Variants in CCDC178 observed in about 807,000 individuals in gnomAD.
The protein encoded by CCDC178 is coiled-coil domain-containing protein 178.
Under a neutral mutation model 117.4 loss-of-function variants are expected in CCDC178, and 126 were observed. The observed-to-expected ratio is 1.07, with a 90% confidence interval of 0.93 to 1.24. The LOEUF (loss-of-function observed/expected upper bound fraction) is 1.24. Among genes scored for constraint, CCDC178 ranks in the 50% most tolerant of loss-of-function variants. CCDC178 has a pLI of 0.00. For synonymous variants in CCDC178, 283 were observed against 313.4 expected (o/e 0.90, Z 1.02); for missense variants, 1,030 against 986.9 (o/e 1.04, Z -0.59).
intron 22 of CCDC178, among the ~76,000 whole-genome samples, chr18:32,942,545 C>A (rs2054264040): frequency 6.6e-6 from 1 of 152,058 alleles, no homozygotes; most frequent in African/African-American, 2.4e-5. Flanking sequence ...TTATGAGAAA[C>A]TAGTCATGCT....
chr18:33,289,626 A>T (rs1229913504), intron 12 of CCDC178, among the ~76,000 whole-genome samples: 3 of 152,146 alleles, frequency 2.0e-5, no homozygotes, highest in Non-Finnish European at 4.4e-5. Context: ...AGAAATAAAA[A>T]AAAACAAACA....
intron 20 of CCDC178, among the ~76,000 whole-genome samples, chr18:33,105,968 C>A (rs893809816): frequency 6.6e-6 from 1 of 151,550 alleles, no homozygotes; most frequent in Non-Finnish European, 1.5e-5. Context: ...GAAATGAATA[C>A]TTTAAGAAAA....
At chr18:33,187,079 G>A (rs907054592) in intron 20 of CCDC178, among the ~76,000 whole-genome samples, 16 of 137,434 alleles carry the variant, frequency 1.2e-4, no homozygotes, top group Admixed American at 3.0e-4. Flanking sequence ...CATCTTACAT[G>A]GCGGCAGGAG....
intron 2 of CCDC178, among the ~76,000 whole-genome samples, chr18:33,435,771 T>G (rs2064281208): frequency 7.0e-6 from 1 of 142,650 alleles, no homozygotes; most frequent in South Asian, 2.3e-4. Context: ...AAATGCTATT[T>G]AAGAGACAGA....
rs1568191569 is a variant in CCDC178, at chr18:32,974,660, T to A, written c.2410A>T (p.Met804Leu). ...KKQLCQLQRR[M>L]HTLWQEHFKL... ...AAGTGCTCCTGCCACAGTGTGTGCA[T>A]CCTTCTCTGCAGCTGACAGAGCTAA... Residue 804 changes from methionine (M) to leucine (L), a missense_variant, in exon 22 of 23, where the codon ATG (methionine) becomes TTG (leucine). Coordinates refer to ENST00000383096, the MANE Select transcript of CCDC178 (RefSeq NM_001105528.4). 1 of 1,613,266 alleles carries A rather than the reference T, an allele frequency of 6.2e-7. No individual in the cohort carries two copies.
intron 21 of CCDC178, among the ~76,000 whole-genome samples, chr18:33,058,637 T>A (rs1017190843): frequency 2.0e-5 from 3 of 152,190 alleles, no homozygotes; most frequent in African/African-American, 4.8e-5. Flanking sequence ...CTAAAAGATG[T>A]TCCAAGTATT....
chr18:33,348,390 T>C (rs1008708804), intron 8 of CCDC178, among the ~76,000 whole-genome samples: 14 of 151,892 alleles, frequency 9.2e-5, no homozygotes, highest in Non-Finnish European at 2.1e-4. Flanking sequence ...GATAAGAATA[T>C]TTATCACAAC....
chr18:33,229,349 C>A (rs552806481), intron 15 of CCDC178, among the ~76,000 whole-genome samples: 5 of 152,222 alleles, frequency 3.3e-5, no homozygotes, highest in Admixed American at 1.3e-4. Flanking sequence ...TGAGATGATT[C>A]CTGAAGGAGA....
At chr18:33,307,956 C>A (rs1480476104) in intron 11 of CCDC178, among the ~76,000 whole-genome samples, 2 of 152,210 alleles carry the variant, frequency 1.3e-5, no homozygotes, top group African/African-American at 4.8e-5. Context: ...AAGTTTGCTG[C>A]AGGGGCAGAG....
chr18:33,068,511 C>T (rs1400909105), intron 21 of CCDC178, among the ~76,000 whole-genome samples: 1 of 151,620 alleles, frequency 6.6e-6, no homozygotes, highest in Non-Finnish European at 1.5e-5. Flanking sequence ...AAGGATGGTT[C>T]AACATTTAAA....
intron 4 of CCDC178, among the ~76,000 whole-genome samples, chr18:33,396,859 C>T (rs890889184): frequency 1.3e-5 from 2 of 152,048 alleles, no homozygotes; most frequent in Non-Finnish European, 2.9e-5. Context: ...GACACAGATG[C>T]TTCCTCATAA....
chr18:33,037,343 T>C (rs1361359620), intron 21 of CCDC178, among the ~76,000 whole-genome samples: 1 of 151,980 alleles, frequency 6.6e-6, no homozygotes, highest in East Asian at 1.9e-4. Flanking sequence ...CTATATTTCT[T>C]ATCAATTTTT....
At chr18:33,022,902 A>G (rs1451922184) in intron 21 of CCDC178, among the ~76,000 whole-genome samples, 2 of 152,146 alleles carry the variant, frequency 1.3e-5, no homozygotes, top group African/African-American at 4.8e-5. Context: ...AAAGTGATAT[A>G]AAGACATTAA....
At chr18:33,150,825 C>T (rs1295411223) in intron 20 of CCDC178, among the ~76,000 whole-genome samples, 4 of 152,144 alleles carry the variant, frequency 2.6e-5, no homozygotes, top group South Asian at 2.1e-4. Flanking sequence ...CATATGCACA[C>T]GGATGGTTTA....
Position 33,333,546 on chromosome 18 carries a change from G to A in CCDC178, c.659-152C>T, listed in dbSNP as rs375299483. On this transcript the variant is annotated intron_variant, in intron 9 of 22. Coordinates refer to ENST00000383096, the MANE Select transcript of CCDC178 (RefSeq NM_001105528.4). ...TTTTTTTTTTCCGAGATGGAGTTTC[G>A]CTCTTGTTGCCCAGGTTGGAGTGCA... The A allele has an allele frequency of 1.1e-4, 50 of 468,054 alleles. 1 individual carries two copies. Among genetic ancestry groups the A allele is most frequent in the Admixed American group, 2.7e-4 (5 of 18,602 alleles). 29.0% of individuals were successfully genotyped at this position (468,054 alleles called of 1,614,324 possible).
At chr18:33,336,147 T>C (rs117407377) in intron 9 of CCDC178, among the ~76,000 whole-genome samples, 165 of 152,230 alleles carry the variant, frequency 1.1e-3, no homozygotes, top group Non-Finnish European at 1.7e-3. Context: ...TTTTCTTCCA[T>C]TGTATAAGAG....
At chr18:33,395,411 C>T (rs1424493358) in intron 4 of CCDC178, among the ~76,000 whole-genome samples, 1 of 151,844 alleles carries the variant, frequency 6.6e-6, no homozygotes, top group South Asian at 2.1e-4. Context: ...GCTATAGCCT[C>T]GGAGCAAAGG....
intron 21 of CCDC178, among the ~76,000 whole-genome samples, chr18:33,083,830 A>C (rs1031714954): frequency 8.5e-5 from 13 of 152,224 alleles, no homozygotes; most frequent in Admixed American, 7.9e-4. Flanking sequence ...TCATTTTAAA[A>C]GATTTCTTCT....
chr18:33,407,600 A>T (rs2063797905), intron 3 of CCDC178, among the ~76,000 whole-genome samples: 1 of 152,078 alleles, frequency 6.6e-6, no homozygotes, highest in Non-Finnish European at 1.5e-5. Flanking sequence ...ATGAATGTAA[A>T]GAAGAAACAA....
Sources: allele counts gnomAD v4.1 joint callset (sites outside exome capture counted in the v4.1 genomes callset), GRCh38; gene constraint gnomAD v4.1.1; transcripts MANE v1.5; gene names NCBI Gene and HGNC (gene_info 2026-07-23, HGNC 2026-07-21).